The following KLF5 variants were observed in gnomAD, a reference collection of about 807,000 sequenced individuals.
The protein encoded by KLF5 is KLF transcription factor 5.
KLF5 carries 9 observed loss-of-function variants against 36.9 expected under a neutral mutation model. That is an observed-to-expected ratio of 0.24 (90% CI 0.15 to 0.43). The LOEUF (loss-of-function observed/expected upper bound fraction) is 0.43. KLF5 is among the 20% of genes least tolerant of loss of function. The pLI is 1.00. For missense variants in KLF5, 524 were observed against 599.5 expected, an observed-to-expected ratio of 0.87 and a Z score of 1.31; for synonymous variants, 246 against 241.7, an observed-to-expected ratio of 1.02 and a Z score of -0.17.
intron 3 of KLF5, among the ~76,000 whole-genome samples, chr13:73,073,337 C>A (rs1452725875): frequency 2.6e-5 from 4 of 152,182 alleles, no homozygotes; most frequent in Non-Finnish European, 5.9e-5. Context: ...GCCCCAGTAA[C>A]TAACATTCCA....
rs532753212 is a variant in KLF5 at position 73,076,978 on chromosome 13, A to G, written c.*1092A>G. 15 of 152,658 alleles carry G rather than the reference A, an allele frequency of 9.8e-5. No individual in the cohort carries two copies. Among genetic ancestry groups the G allele is most frequent in the African/African-American group, 3.6e-4 (15 of 41,584 alleles). The allele number at this position is 152,658 out of a possible 1,614,324, so 9.5% of individuals were successfully genotyped here. A position where few individuals can be genotyped will look rare whatever the true frequency, so the allele number is the denominator to read the frequency against. Reference sequence around the variant, plus strand: ...TTTTATCTAAATTACAGTGCAGTTTAGTTAATCTATTAATACTGACTCAGT... The same window carrying G: ...TTTTATCTAAATTACAGTGCAGTTTGGTTAATCTATTAATACTGACTCAGT... On this transcript the variant is annotated 3_prime_UTR_variant, in exon 4 of 4. Coordinates refer to ENST00000377687, the MANE Select transcript of KLF5 (RefSeq NM_001730.5).
chr13:73,055,269 G>A (rs1009619027), upstream of KLF5: 1 of 152,056 alleles, frequency 6.6e-6, no homozygotes, highest in Non-Finnish European at 1.5e-5. Flanking sequence ...AATATTTTAA[G>A]AAGAACACAT....
At chr13:73,060,157 TAAAAA>T (rs535575783) in intron 1 of KLF5, among the ~76,000 whole-genome samples, 3 of 116,678 alleles carry the variant, frequency 2.6e-5, no homozygotes, top group Non-Finnish European at 3.4e-5. Context: ...TATTTTTCCT[TAAAAA>T]AAAAAAAAAA....
At chr13:73,058,799 C>G (rs892713188), upstream of KLF5, 1 of 152,634 alleles carries the variant, frequency 6.6e-6, no homozygotes, top group South Asian at 2.1e-4. Flanking sequence ...TGCGCGGCCG[C>G]CCTGCGCGCG....
chr13:73,074,617 G>C lies in KLF5; in HGVS notation c.1196-1091G>C, dbSNP rs540616222. Among the ~76,000 whole-genome samples, 15 of 152,034 alleles carry C rather than the reference G, an allele frequency of 9.9e-5. No homozygotes were observed. In the South Asian group the frequency reaches 3.1e-3, roughly 31 times the overall value. On this transcript the variant is annotated intron_variant, in intron 3 of 3. Transcript: ENST00000377687. ...TCTCCAGTAGGATTCTTCACAAACA[G>C]AGAATTAAGACTACATTATGAATAT...
chr13:73,069,829 A>C (rs989426929), intron 3 of KLF5, among the ~76,000 whole-genome samples: 1 of 152,216 alleles, frequency 6.6e-6, no homozygotes, highest in African/African-American at 2.4e-5. Flanking sequence ...AAGATGAATA[A>C]TCTCTTCTTG....
chr13:73,075,946 A>G lies in KLF5; in HGVS notation c.*60A>G. ...GCTCCCTCAAATGACAGACCTAACT[A>G]TTCCTGTGTAAAAACAACAAAAACA... On this transcript the variant is annotated 3_prime_UTR_variant, in exon 4 of 4. Coordinates refer to ENST00000377687, the MANE Select transcript of KLF5 (RefSeq NM_001730.5). 1 of 1,336,814 alleles carries G rather than the reference A, an allele frequency of 7.5e-7. No homozygotes were observed. The allele number at this position is 1,336,814 out of a possible 1,614,324, so 82.8% of individuals were successfully genotyped here.
intron 3 of KLF5, among the ~76,000 whole-genome samples, chr13:73,069,168 C>T (rs1214486686): frequency 6.6e-5 from 10 of 152,122 alleles, no homozygotes; most frequent in African/African-American, 2.4e-4. Context: ...CAGGTACTTA[C>T]TAAAAGCAAC....
Position 73,073,459 on chromosome 13 carries a change from G to C in KLF5, c.1196-2249G>C, listed in dbSNP as rs542833230. ...TACCGTATTTCAAGCAATCAGTAAAGTAAACTTTAAAAAATACTGGTGCAG... is the reference window on the plus strand; with the variant it reads ...TACCGTATTTCAAGCAATCAGTAAACTAAACTTTAAAAAATACTGGTGCAG... On this transcript the variant is annotated intron_variant, in intron 3 of 3. Coordinates refer to ENST00000377687, the MANE Select transcript of KLF5 (RefSeq NM_001730.5). Among the ~76,000 whole-genome samples, 5 of 152,248 alleles carry C rather than the reference G, an allele frequency of 3.3e-5. No homozygotes were observed. In the South Asian group the frequency reaches 1.0e-3, roughly 32 times the overall value.
At chr13:73,063,168 A>G (rs1039202923) in intron 2 of KLF5, among the ~76,000 whole-genome samples, 1 of 152,138 alleles carries the variant, frequency 6.6e-6, no homozygotes, top group Non-Finnish European at 1.5e-5. Flanking sequence ...GGTGGGGGAA[A>G]ATAAGGTTTG....
At chr13:73,055,497 A>G (rs1443652172), upstream of KLF5, among the ~76,000 whole-genome samples, 3 of 152,208 alleles carry the variant, frequency 2.0e-5, no homozygotes, top group African/African-American at 7.2e-5. Flanking sequence ...AAAATGCTTT[A>G]AATTCCAACT....
At chr13:73,071,057 G>A (rs2044718911) in intron 3 of KLF5, among the ~76,000 whole-genome samples, 2 of 152,214 alleles carry the variant, frequency 1.3e-5, no homozygotes, top group South Asian at 4.1e-4. Flanking sequence ...AGGAATAGAA[G>A]ATAGTCTCTG....
intron 3 of KLF5, among the ~76,000 whole-genome samples, chr13:73,073,117 T>C (rs1284818674): frequency 4.6e-5 from 7 of 152,236 alleles, no homozygotes; most frequent in Non-Finnish European, 1.0e-4. Flanking sequence ...TGTTGAAATA[T>C]AACTTAAAGG....
chr13:73,063,554 C>G (rs2044656474), intron 2 of KLF5, among the ~76,000 whole-genome samples: 1 of 152,118 alleles, frequency 6.6e-6, no homozygotes, highest in African/African-American at 2.4e-5. Flanking sequence ...AGTACAGCAC[C>G]TACTGGAATA....
upstream of KLF5, among the ~76,000 whole-genome samples, chr13:73,058,288 G>C (rs147109234): frequency 7.5e-3 from 1,136 of 152,316 alleles, 12 homozygotes; most frequent in Middle Eastern, 0.034. Context: ...GTAGAAATGT[G>C]TGGGAAAACG....
chr13:73,065,768 C>A (rs9543220), intron 3 of KLF5, among the ~76,000 whole-genome samples: 125,393 of 152,094 alleles, frequency 0.82, 53,918 homozygotes, highest in East Asian at 0.96. Context: ...ACACATTTTC[C>A]TGGGTTTAAA....
rs781076393 is a variant in KLF5, at chr13:73,062,019, C to G, written c.420C>G (p.Leu140=). The change falls in exon 2 of 4, where the codon CTC becomes CTG. Residue 140 remains leucine (L), a synonymous_variant. Transcript: ENST00000377687. ...LPYSINMNVF[L]PDITHLRTGL... ...ACAGTATCAACATGAACGTCTTCCTCCCTGACATCACTCACCTGAGAACTG... is the reference window on the plus strand; with the variant it reads ...ACAGTATCAACATGAACGTCTTCCTGCCTGACATCACTCACCTGAGAACTG... 1.2e-6 allele frequency: 2 copies of G among 1,614,124 alleles called. No individual in the cohort carries two copies. The highest frequency in any genetic ancestry group is 1.7e-6 in the Non-Finnish European group (2 of 1,180,030).
chr13:73,072,193 C>G (rs2044726685), intron 3 of KLF5, among the ~76,000 whole-genome samples: 1 of 151,954 alleles, frequency 6.6e-6, no homozygotes, highest in Admixed American at 6.6e-5. Context: ...ACTTCCCATT[C>G]CATTGTGATA....
chr13:73,059,530 C>G lies in KLF5; in HGVS notation c.203C>G (p.Pro68Arg). 8.4e-7 allele frequency: 1 copy of G among 1,194,454 alleles called. No individual in the cohort carries two copies. Among genetic ancestry groups the G allele is most frequent in the Non-Finnish European group, 1.0e-6 (1 of 967,852 alleles). The allele number at this position is 1,194,454 out of a possible 1,614,324, so 74.0% of individuals were successfully genotyped here. Reference protein sequence around the residue: ...PQAQPAPAQAPQPAQPPATGP... With the variant: ...PQAQPAPAQARQPAQPPATGP... ...GCGCAGCCCGCGCCCGCGCAGGCCCCGCAGCCGGCCCAGCCGCCCGCCACC... is the reference window on the plus strand; with the variant it reads ...GCGCAGCCCGCGCCCGCGCAGGCCCGGCAGCCGGCCCAGCCGCCCGCCACC... The change falls in exon 1 of 4, where the codon CCG (proline) becomes CGG (arginine). Residue 68 changes from proline (P) to arginine (R), a missense_variant. Physicochemically the swap from Pro to Arg is moderately radical, Grantham distance 103 (BLOSUM62 -2). Around this residue, in one of 4 missense-constraint regions of KLF5, gnomAD observed 454 missense variants for 458.1 expected, o/e 0.99. Transcript: ENST00000377687.
Sources: allele counts gnomAD v4.1 joint callset (sites outside exome capture counted in the v4.1 genomes callset), GRCh38; gene constraint gnomAD v4.1.1; regional missense constraint gnomAD v4.1.1; transcripts MANE v1.5; gene names NCBI Gene and HGNC (gene_info 2026-07-23, HGNC 2026-07-21).